RHOG: variants seen among roughly 807,000 people sequenced by gnomAD.
RHOG encodes rho-related GTP-binding protein RhoG.
A neutral mutation model predicts 12.3 loss-of-function variants in RHOG; 1 was observed. The ratio of observed to expected loss-of-function variants is 0.08; its 90% confidence interval spans 0.03 to 0.39. The LOEUF (loss-of-function observed/expected upper bound fraction) is 0.39, where lower values mean the gene tolerates loss of function less well. Ranked by LOEUF, RHOG falls within the 10% of genes least tolerant of loss-of-function variation. The pLI, the probability that RHOG is intolerant of heterozygous loss-of-function variation, is 0.99. For missense variants in RHOG, 114 were observed against 266.2 expected (o/e 0.43, Z 3.98); for synonymous variants, 129 against 116.0 (o/e 1.11, Z -0.72).
intron 1 of RHOG, chr11:3,840,577 A>G (rs1054945022): frequency 2.7e-5 from 4 of 145,726 alleles, no homozygotes; most frequent in African/African-American, 1.1e-4. Context: ...CCTGCGTCCG[A>G]TCTCCCAGCT....
rs530539602 is a variant in RHOG, at chr11:3,827,569, G to A, written c.570C>T (p.Leu190=). The change falls in exon 2 of 2, where the codon CTC becomes CTT. Residue 190 remains leucine, a synonymous_variant. Coordinates refer to ENST00000351018, the MANE Select transcript of RHOG (RefSeq NM_001665.4). The surrounding 1 kb of genome is among the most constrained non-coding windows in gnomAD (Gnocchi z 7.3). ...TCCAAGCCAAGTGCCAGGGTCACAA[G>A]AGGATGCAGGACCGCCCACGCTTGA... The part of the protein sequence containing the change: ...TPIKRGRSCI[L]L The A allele has an allele frequency of 6.2e-7, 1 of 1,602,876 alleles. No homozygotes were observed. Among genetic ancestry groups the A allele is most frequent in the Non-Finnish European group, 8.5e-7 (1 of 1,177,778 alleles).
intron 1 of RHOG, among the ~76,000 whole-genome samples, chr11:3,828,651 TCTCA>T (rs1208461706): frequency 7.5e-6 from 1 of 132,896 alleles, no homozygotes. Flanking sequence ...TGAGACAGAG[TCTCA>T]CTCTGTCACC....
intron 1 of RHOG, among the ~76,000 whole-genome samples, chr11:3,839,339 C>G (rs776910899): frequency 6.6e-6 from 1 of 152,132 alleles, no homozygotes. Flanking sequence ...CTGCTACAAA[C>G]GGCTTCCTCC....
chr11:3,839,602 AACACACAC>A (rs112483411), intron 1 of RHOG, among the ~76,000 whole-genome samples: 41 of 141,698 alleles, frequency 2.9e-4, no homozygotes, highest in East Asian at 8.5e-4. Flanking sequence ...CACACACGCA[AACACACAC>A]ACACACACAC....
intron 1 of RHOG, among the ~76,000 whole-genome samples, chr11:3,830,049 G>C (rs1444654594): frequency 1.3e-5 from 2 of 152,160 alleles, no homozygotes; most frequent in Non-Finnish European, 2.9e-5. Flanking sequence ...GCCCGGCCTG[G>C]AGCAAATCTT....
intron 1 of RHOG, among the ~76,000 whole-genome samples, chr11:3,836,357 C>A (rs1179191533): frequency 1.4e-3 from 167 of 119,498 alleles, no homozygotes; most frequent in South Asian, 2.0e-3. Flanking sequence ...ACTCCATCTC[C>A]AAAAAAAAAA....
chr11:3,838,606 A>G (rs541915648), intron 1 of RHOG, among the ~76,000 whole-genome samples: 1 of 152,310 alleles, frequency 6.6e-6, no homozygotes, highest in South Asian at 2.1e-4. Context: ...TTGGAAGGGC[A>G]GGACTGGAAG....
At chr11:3,835,958 AGT>A (rs1305813651) in intron 1 of RHOG, among the ~76,000 whole-genome samples, 1 of 151,806 alleles carries the variant, frequency 6.6e-6, no homozygotes, top group African/African-American at 2.4e-5. Flanking sequence ...ACATGAGGTC[AGT>A]GTGGGACTGG....
chr11:3,830,664 A>AAT (rs1454142911), intron 1 of RHOG: 5 of 147,168 alleles, frequency 3.4e-5, no homozygotes, highest in African/African-American at 5.1e-5. Flanking sequence ...TCAAAAAAAA[A>AAT]AAAATAAAAA....
At chr11:3,831,093 C>A (rs1243930505) in intron 1 of RHOG, among the ~76,000 whole-genome samples, 1 of 152,132 alleles carries the variant, frequency 6.6e-6, no homozygotes, top group Non-Finnish European at 1.5e-5. Context: ...TCAACACTAG[C>A]CCATTTTCTC....
intron 1 of RHOG, among the ~76,000 whole-genome samples, chr11:3,828,654 C>T (rs1277503190): frequency 1.5e-5 from 2 of 135,506 alleles, no homozygotes; most frequent in Admixed American, 1.5e-4. Context: ...GACAGAGTCT[C>T]ACTCTGTCAC....
chr11:3,827,947 A>C lies in RHOG; in HGVS notation c.192T>G (p.Tyr64Ter). Residue 64 changes from tyrosine to a stop codon, truncating the protein, a stop_gained, in exon 2 of 2, where the codon TAT becomes TAG. Coordinates refer to ENST00000351018, the MANE Select transcript of RHOG (RefSeq NM_001665.4). LOFTEE classifies it high-confidence loss of function. This position sits in a 1 kb window ranked among gnomAD's most constrained non-coding sequence, Gnocchi z 7.3. ...GGTAGGAGAGTGTACGGAGGCGGTC[A>C]TACTCCTCCTGGCCCGCAGTGTCCC... ...NLWDTAGQEE[Y>*]DRLRTLSYPQ... 1 of 1,614,256 alleles carries C rather than the reference A, an allele frequency of 6.2e-7. No individual in the cohort carries two copies. Among genetic ancestry groups the C allele is most frequent in the Non-Finnish European group, 8.5e-7 (1 of 1,180,036 alleles).
At chr11:3,839,965 A>AG (rs2090180940) in intron 1 of RHOG, among the ~76,000 whole-genome samples, 12 of 152,140 alleles carry the variant, frequency 7.9e-5, no homozygotes, top group Admixed American at 7.9e-4. Flanking sequence ...TTTGGAGGAA[A>AG]AGAGACTGGA....
At position 3,829,177 on chromosome 11, in the gene RHOG, C is replaced by T. The variant is rs117354139; in HGVS notation, c.-68-971G>A. On this transcript the variant is annotated intron_variant, in intron 1 of 1. Coordinates refer to ENST00000351018, the MANE Select transcript of RHOG (RefSeq NM_001665.4). ...CAAACCCAAAGGCACAGTTAAGAAA[C>T]CTGCTGAGTAAGGGGCTCAATTCTT... 3.2e-4 allele frequency among the ~76,000 whole-genome samples: 49 copies of T among 152,178 alleles called. No individual in the cohort carries two copies. The East Asian group carries it at 9.3e-3, about 29-fold the overall frequency.
At chr11:3,838,899 C>T (rs2090171758) in intron 1 of RHOG, among the ~76,000 whole-genome samples, 1 of 152,008 alleles carries the variant, frequency 6.6e-6, no homozygotes, top group Admixed American at 6.6e-5. Context: ...GAATAGGGTC[C>T]TAGGTGAGAT....
At chr11:3,835,920 C>T (rs2090153020) in intron 1 of RHOG, among the ~76,000 whole-genome samples, 1 of 150,050 alleles carries the variant, frequency 6.7e-6, no homozygotes, top group South Asian at 2.1e-4. Flanking sequence ...CTGGCTGCAG[C>T]TGGGCTGGGA....
chr11:3,838,096 C>T (rs1025741148), intron 1 of RHOG, among the ~76,000 whole-genome samples: 3 of 152,220 alleles, frequency 2.0e-5, no homozygotes, highest in African/African-American at 7.2e-5. Context: ...CTGACCTCAC[C>T]ACTAATGGGT....
rs554666350 is a variant in RHOG at position 3,838,288 on chromosome 11, T to C, written c.-69+2606A>G. 5.3e-5 allele frequency among the ~76,000 whole-genome samples: 8 copies of C among 152,338 alleles called. No homozygotes were observed. In the South Asian group the frequency reaches 1.4e-3, roughly 28 times the overall value. Reference sequence around the variant, plus strand: ...CCCGCCCTGGTCACATTTTTTCCAATGATGCCTTTTTTGCAATTAGCTCAA... The same window carrying C: ...CCCGCCCTGGTCACATTTTTTCCAACGATGCCTTTTTTGCAATTAGCTCAA... On this transcript the variant is annotated intron_variant, in intron 1 of 1. Transcript: ENST00000351018.
chr11:3,838,536 G>A (rs1230785369), intron 1 of RHOG, among the ~76,000 whole-genome samples: 1 of 152,038 alleles, frequency 6.6e-6, no homozygotes, highest in African/African-American at 2.4e-5. Flanking sequence ...GTAGGTCCCT[G>A]GGATTTCTTC....
Sources: gnomAD v4.1 joint callset for allele counts (sites outside exome capture counted in the v4.1 genomes callset) on GRCh38, gnomAD v4.1.1 for gene constraint, Gnocchi (gnomAD v3.1) non-coding constraint, MANE v1.5 for transcripts, NCBI Gene and HGNC (gene_info 2026-07-23, HGNC 2026-07-21) for gene names.